Variants in MAP4 observed in about 807,000 individuals in gnomAD.
MAP4 encodes microtubule-associated protein 4.
In MAP4, 76 loss-of-function variants were observed where a neutral mutation model predicts 170.2. The ratio of observed to expected loss-of-function variants is 0.45; its 90% CI spans 0.37 to 0.54. The LOEUF is 0.54. Ranked by LOEUF, MAP4 falls within the 20% of genes least tolerant of loss-of-function variation. The probability of loss-of-function intolerance (pLI) is 0.00; values close to 1 mark genes in which losing one functional copy is unlikely to be tolerated. For missense variants in MAP4, 2,506 were observed against 2,748.0 expected, an observed-to-expected ratio of 0.91 and a Z score of 1.97; for synonymous variants, 909 against 994.5, an observed-to-expected ratio of 0.91 and a Z score of 1.62.
At chr3:48,050,905 C>CAA (rs550968391) in intron 1 of MAP4, among the ~76,000 whole-genome samples, 2 of 106,062 alleles carry the variant, frequency 1.9e-5, no homozygotes. Context: ...AACTCCATCT[C>CAA]AAAAAAAAAA....
chr3:47,927,878 T>A (rs1322741866), intron 4 of MAP4, among the ~76,000 whole-genome samples: 1 of 152,350 alleles, frequency 6.6e-6, no homozygotes, highest in South Asian at 2.1e-4. Flanking sequence ...ATAATGTGTA[T>A]ATAAAGGCTC....
At chr3:48,063,280 T>C (rs1471667806) in intron 1 of MAP4, among the ~76,000 whole-genome samples, 1 of 151,446 alleles carries the variant, frequency 6.6e-6, no homozygotes, top group Non-Finnish European at 1.5e-5. Flanking sequence ...AAATGCAAAA[T>C]GGTACAGCCA....
At chr3:47,876,230 C>T (rs1477515935) in intron 11 of MAP4, among the ~76,000 whole-genome samples, 3 of 150,788 alleles carry the variant, frequency 2.0e-5, no homozygotes, top group African/African-American at 7.3e-5. Context: ...CTCCCAGGTT[C>T]AAGCGATTCT....
chr3:47,871,321 C>A, intron 13 of MAP4, 35 bp from the exon 14 acceptor site: 1 of 1,509,536 alleles, frequency 6.6e-7, no homozygotes, highest in Non-Finnish European at 9.2e-7. Context: ...TAACATTTAA[C>A]AAACTGACCT....
At chr3:48,016,510 G>A (rs1314568931), upstream of MAP4, 1 of 152,128 alleles carries the variant, frequency 6.6e-6, no homozygotes, top group African/African-American at 2.4e-5. Flanking sequence ...GTCTGGTTAC[G>A]GTTATGTAGG....
At chr3:47,853,000 G>C (rs763867728) in intron 20 of MAP4, 62 bp from the exon 21 acceptor site, 3 of 1,614,238 alleles carry the variant, frequency 1.9e-6, no homozygotes, top group Non-Finnish European at 2.5e-6. Flanking sequence ...GGGAACACGG[G>C]GGAGACGGAA....
chr3:48,020,506 T>C (rs114093137), upstream of MAP4, among the ~76,000 whole-genome samples: 648 of 152,236 alleles, frequency 4.3e-3, 5 homozygotes, highest in African/African-American at 0.014. Context: ...ATACAAACTC[T>C]ATGGGAGTAC....
intron 3 of MAP4, chr3:47,974,281 C>G (rs916271712): frequency 2.7e-5 from 9 of 328,982 alleles, no homozygotes; most frequent in African/African-American, 2.0e-4. Flanking sequence ...CAAAAATTAG[C>G]TGGTGTGGTG....
At chr3:47,946,817 T>C (rs2100060330) in intron 3 of MAP4, among the ~76,000 whole-genome samples, 1 of 152,186 alleles carries the variant, frequency 6.6e-6, no homozygotes, top group Non-Finnish European at 1.5e-5. Context: ...TATTTTCACA[T>C]TCTGTTAAAC....
chr3:48,012,339 C>T (rs925424141), intron 1 of MAP4, among the ~76,000 whole-genome samples: 7 of 152,094 alleles, frequency 4.6e-5, no homozygotes, highest in East Asian at 1.9e-4. Flanking sequence ...CTAATTCTTC[C>T]GCTCCTGAGA....
intron 18 of MAP4, among the ~76,000 whole-genome samples, chr3:47,856,035 G>A (rs1404114122): frequency 1.3e-5 from 2 of 152,206 alleles, no homozygotes; most frequent in African/African-American, 4.8e-5. Flanking sequence ...GGACGGGGAG[G>A]GAAAGTGGTC....
intron 16 of MAP4, among the ~76,000 whole-genome samples, chr3:47,867,571 C>T (rs188141288): frequency 3.9e-5 from 6 of 152,344 alleles, no homozygotes; most frequent in Middle Eastern, 3.4e-3. Context: ...AGCAGAGCTG[C>T]GCAGGCACTG....
intron 10 of MAP4, among the ~76,000 whole-genome samples, chr3:47,901,697 C>T (rs1213568959): frequency 6.6e-6 from 1 of 151,666 alleles, no homozygotes; most frequent in Admixed American, 6.6e-5. Flanking sequence ...GAATGGAAGC[C>T]CCCTTACTGT....
At position 47,910,295 on chromosome 3, in the gene MAP4, G is replaced by A; in HGVS notation, c.4126C>T (p.Pro1376Ser). The A allele has an allele frequency of 1.3e-6, 2 of 1,590,766 alleles. No individual in the cohort carries two copies. The highest frequency in any genetic ancestry group is 1.7e-6 in the Non-Finnish European group (2 of 1,173,562). Residue 1376 changes from proline (P) to serine (S), a missense_variant, in exon 9 of 21, where the codon CCT (proline) becomes TCT (serine). Pro to Ser is a moderately conservative substitution (Grantham distance 74). Around this residue, in one of 3 missense-constraint regions of MAP4, gnomAD observed 2,008 missense variants for 2,206.0 expected, o/e 0.91. Transcript: ENST00000683076. ...TTATTCTCCAGAATGTGCTTCTCAGGAGAACTATTTTTAACCTTTTTACTT... is the reference window on the plus strand; with the variant it reads ...TTATTCTCCAGAATGTGCTTCTCAGAAGAACTATTTTTAACCTTTTTACTT... ...GKSKKVKNSS[P>S]EKHILENKID...
intron 3 of MAP4, among the ~76,000 whole-genome samples, chr3:47,962,949 T>C (rs2100072544): frequency 1.3e-5 from 2 of 152,376 alleles, no homozygotes; most frequent in South Asian, 2.1e-4. Flanking sequence ...ACAGTTGACA[T>C]AGTTTTGCAT....
In MAP4 at chr3:47,850,770, G is replaced by A. The variant is rs2040341799; in HGVS notation, c.*2164C>T. The A allele has an allele frequency of 6.5e-6, 1 of 152,788 alleles. No homozygotes were observed. The highest frequency in any genetic ancestry group is 1.5e-5 in the Non-Finnish European group (1 of 68,500). The allele number at this position is 152,788 out of a possible 1,614,324, so 9.5% of individuals were successfully genotyped here. A position where few individuals can be genotyped will look rare whatever the true frequency, so the allele number is the denominator to read the frequency against. On this transcript the variant is annotated 3_prime_UTR_variant, in exon 21 of 21. Coordinates refer to ENST00000683076, the MANE Select transcript of MAP4 (RefSeq NM_001385682.1). ...AGAATCATGGACTGACACAGGTAAT[G>A]GCTGAGCCATAAGCAAATCGAGAAG...
At chr3:47,925,918 G>A (rs549455042) in intron 4 of MAP4, among the ~76,000 whole-genome samples, 46 of 152,202 alleles carry the variant, frequency 3.0e-4, no homozygotes, top group African/African-American at 9.6e-4. Flanking sequence ...ACAATGGCAC[G>A]ATCTTGGCTC....
At chr3:47,919,847 T>A (rs781201511) in intron 5 of MAP4, among the ~76,000 whole-genome samples, 27 of 152,226 alleles carry the variant, frequency 1.8e-4, no homozygotes, top group Non-Finnish European at 3.7e-4. Context: ...TTTCTTCATC[T>A]GCAAAATGAG....
chr3:48,053,511 T>C (rs1285608411), intron 1 of MAP4, among the ~76,000 whole-genome samples: 1 of 152,218 alleles, frequency 6.6e-6, no homozygotes, highest in Non-Finnish European at 1.5e-5. Flanking sequence ...ATAGCATTCG[T>C]AAAGCCACAT....
Sources: allele counts gnomAD v4.1 joint callset (sites outside exome capture counted in the v4.1 genomes callset), GRCh38; gene constraint gnomAD v4.1.1; regional missense constraint gnomAD v4.1.1; transcripts MANE v1.5; gene names NCBI Gene and HGNC (gene_info 2026-07-23, HGNC 2026-07-21).